ARVCF: variants seen among roughly 807,000 people sequenced by gnomAD.
The protein encoded by ARVCF is splicing regulator ARVCF.
In ARVCF, 66 loss-of-function variants were observed where a neutral mutation model predicts 90.9. That is an observed-to-expected ratio of 0.73 (90% CI 0.60 to 0.89). ARVCF has a LOEUF of 0.89. Ranked by LOEUF, ARVCF falls within the 40% of genes least tolerant of loss-of-function variation. The pLI, the probability that ARVCF is intolerant of heterozygous loss-of-function variation, is 0.00. For synonymous variants in ARVCF, 653 were observed against 603.4 expected, an observed-to-expected ratio of 1.08 and a Z score of -1.21; for missense variants, 1,469 against 1,382.3, an observed-to-expected ratio of 1.06 and a Z score of -1.00.
chr22:19,975,545 A>T, intron 11 of ARVCF, 141 bp downstream of exon 11: 1 of 865,330 alleles, frequency 1.2e-6, no homozygotes, highest in Non-Finnish European at 1.8e-6. Flanking sequence ...ACCCTCCAGG[A>T]AATCCTGCAC....
intron 2 of ARVCF, among the ~76,000 whole-genome samples, chr22:19,999,459 A>C (rs916988206): frequency 1.3e-5 from 2 of 152,110 alleles, no homozygotes; most frequent in African/African-American, 4.8e-5. Flanking sequence ...GTCAGCAAGC[A>C]CTTGCTGCAC....
chr22:19,993,865 C>T (rs761890872), intron 2 of ARVCF, among the ~76,000 whole-genome samples: 17 of 152,172 alleles, frequency 1.1e-4, no homozygotes, highest in East Asian at 3.9e-4. Flanking sequence ...ACAAAAGTGA[C>T]GACCCAGCCC....
intron 2 of ARVCF, among the ~76,000 whole-genome samples, chr22:19,991,451 CAT>C (rs1812495166): frequency 6.6e-6 from 1 of 152,274 alleles, no homozygotes; most frequent in Non-Finnish European, 1.5e-5. Flanking sequence ...TGCTGCTACA[CAT>C]GACAGAGTAA....
At chr22:19,971,845 G>A (rs1257120140) in intron 18 of ARVCF, 41 bp downstream of exon 18, 1 of 1,602,248 alleles carries the variant, frequency 6.2e-7, no homozygotes, top group Non-Finnish European at 8.5e-7. Context: ...CTAGACACGG[G>A]GCCTCACCGG....
At chr22:19,975,656 G>T in intron 11 of ARVCF, 30 bp downstream of exon 11, 3 of 1,612,608 alleles carry the variant, frequency 1.9e-6, no homozygotes, top group Non-Finnish European at 2.5e-6. Context: ...ACATCCCCCA[G>T]TGGAGCTGGC....
chr22:19,979,479 G>T (rs747384958), intron 6 of ARVCF: 11 of 578,546 alleles, frequency 1.9e-5, no homozygotes, highest in Non-Finnish European at 2.4e-5. Flanking sequence ...GAGTTTCTGT[G>T]GGGGCAGGAG....
intron 6 of ARVCF, 166 bp from the exon 7 acceptor site, chr22:19,979,246 T>C (rs916798877): frequency 2.7e-6 from 2 of 748,180 alleles, no homozygotes; most frequent in Admixed American, 3.0e-5. Flanking sequence ...CCAGTACTGG[T>C]TTCCAGCTAG....
chr22:19,968,080 C>T (rs1189788322), downstream of ARVCF, among the ~76,000 whole-genome samples: 1 of 152,178 alleles, frequency 6.6e-6, no homozygotes, highest in Non-Finnish European at 1.5e-5. Context: ...GGGAGGTCTG[C>T]CCCACCTCAG....
At chr22:19,977,867 C>A (rs1422396692) in intron 8 of ARVCF, 91 bp downstream of exon 8, 6 of 1,412,140 alleles carry the variant, frequency 4.2e-6, no homozygotes, top group Non-Finnish European at 5.8e-6. Flanking sequence ...CAAGCCCATT[C>A]CCCTGTGCTG....
At chr22:20,013,045 G>A (rs1601694210) in intron 1 of ARVCF, among the ~76,000 whole-genome samples, 2 of 152,248 alleles carry the variant, frequency 1.3e-5, no homozygotes, top group East Asian at 1.9e-4. Flanking sequence ...CTATGAGCGC[G>A]AGGTGACACT....
intron 1 of ARVCF, among the ~76,000 whole-genome samples, chr22:20,010,761 A>T (rs1477803674): frequency 6.6e-6 from 1 of 152,206 alleles, no homozygotes; most frequent in Admixed American, 6.5e-5. Context: ...ACCATCCTTC[A>T]GAAACGTGAT....
chr22:19,972,111 T>C, intron 17 of ARVCF, 140 bp from the exon 18 acceptor site: 1 of 927,562 alleles, frequency 1.1e-6, no homozygotes, highest in Non-Finnish European at 1.6e-6. Flanking sequence ...GTCCTGGAGA[T>C]CCAGGCTGGT....
chr22:19,973,806 G>C lies in ARVCF; in HGVS notation c.2089-13C>G, dbSNP rs554755053. 6.3e-7 allele frequency: 1 copy of C among 1,598,610 alleles called. No individual in the cohort carries two copies. Among genetic ancestry groups the C allele is most frequent in the South Asian group, 1.1e-5 (1 of 90,744 alleles). Reference sequence around the variant, plus strand: ...TGTACGTGGCCCACTGCGGAGGCGGGGAGAGGGTTGCTCAGACATACATGC... The same window carrying C: ...TGTACGTGGCCCACTGCGGAGGCGGCGAGAGGGTTGCTCAGACATACATGC... On this transcript the variant is annotated splice_polypyrimidine_tract_variant and intron_variant, in intron 12 of 19. Coordinates refer to ENST00000263207, the MANE Select transcript of ARVCF (RefSeq NM_001670.3).
intron 3 of ARVCF, among the ~76,000 whole-genome samples, chr22:19,984,931 C>T (rs1223474022): frequency 1.3e-5 from 2 of 152,184 alleles, no homozygotes; most frequent in Non-Finnish European, 2.9e-5. Flanking sequence ...TGGCTCAGCT[C>T]TCTGCAACAT....
At chr22:19,994,015 G>C (rs1172507979) in intron 2 of ARVCF, among the ~76,000 whole-genome samples, 3 of 152,150 alleles carry the variant, frequency 2.0e-5, no homozygotes, top group Non-Finnish European at 2.9e-5. Context: ...CAGGAGAAGA[G>C]GGTGGCCCCA....
Position 19,977,382 on chromosome 22 carries a change from G to A in ARVCF, c.1870+33C>T, listed in dbSNP as rs756905957. 2.7e-6 allele frequency: 4 copies of A among 1,481,382 alleles called. No homozygotes were observed. The South Asian group carries it at 5.6e-5, about 21-fold the overall frequency. 91.8% of individuals were successfully genotyped at this position (1,481,382 alleles called of 1,614,324 possible). ...CTTCCGCTGGGGCAGGAGTTGAGAT[G>A]GTAGAGATGATACCCCAGTCCGCCC... On this transcript the variant is annotated intron_variant, in intron 9 of 19. Transcript: ENST00000263207.
In ARVCF at chr22:19,990,657, C is replaced by T. The variant is rs1413408789; in HGVS notation, c.138G>A (p.Gln46=). The stretch of plus-strand genomic sequence containing the variant: ...CCATGCCACCACTGACCATGCCAGG[C>T]TGCTGGGCACGCTCCAGCTGTAGGG... ...HVALQLERAQ[Q]PGMVSGGMGS... The change falls in exon 3 of 20, where the codon CAG becomes CAA. Residue 46 remains glutamine, a synonymous_variant. Coordinates refer to ENST00000263207, the MANE Select transcript of ARVCF (RefSeq NM_001670.3). 1.9e-6 allele frequency: 3 copies of T among 1,608,640 alleles called. No homozygotes were observed. In the South Asian group the frequency reaches 3.3e-5, roughly 18 times the overall value.
At chr22:20,006,911 T>A (rs1350024436) in intron 2 of ARVCF, among the ~76,000 whole-genome samples, 1 of 151,480 alleles carries the variant, frequency 6.6e-6, no homozygotes, top group African/African-American at 2.4e-5. Context: ...ATTACAAGCA[T>A]GAGCCACCGC....
intron 3 of ARVCF, among the ~76,000 whole-genome samples, chr22:19,987,376 C>T (rs1301647033): frequency 6.9e-6 from 1 of 145,608 alleles, no homozygotes; most frequent in Non-Finnish European, 1.5e-5. Context: ...CCCCCTGTCC[C>T]CCCACTTCCC....
Sources: gnomAD v4.1 joint callset for allele counts (sites outside exome capture counted in the v4.1 genomes callset) on GRCh38, gnomAD v4.1.1 for gene constraint, MANE v1.5 for transcripts, NCBI Gene and HGNC (gene_info 2026-07-23, HGNC 2026-07-21) for gene names.